CYTH3: variants seen among roughly 807,000 people sequenced by gnomAD.
The protein encoded by CYTH3 is cytohesin-3.
In CYTH3, 23 loss-of-function variants were observed where a neutral mutation model predicts 55.1. That is an observed-to-expected ratio of 0.42 (90% CI 0.30 to 0.59). The LOEUF (loss-of-function observed/expected upper bound fraction) is 0.59, where lower values mean the gene tolerates loss of function less well. CYTH3 is among the 20% of genes least tolerant of loss of function. The pLI, the probability that CYTH3 is intolerant of heterozygous loss-of-function variation, is 0.20. For missense variants in CYTH3, 413 were observed against 524.8 expected (o/e 0.79, Z 2.08); for synonymous variants, 249 against 194.9 (o/e 1.28, Z -2.31).
chr7:6,254,343 A>G (rs1490719873), intron 1 of CYTH3, among the ~76,000 whole-genome samples: 2 of 152,382 alleles, frequency 1.3e-5, no homozygotes, highest in East Asian at 1.9e-4. Flanking sequence ...TTTTGGAACA[A>G]TATTATGGAA....
At chr7:6,180,920 C>A (rs577432314) in intron 4 of CYTH3, among the ~76,000 whole-genome samples, 2 of 152,158 alleles carry the variant, frequency 1.3e-5, no homozygotes, top group South Asian at 2.1e-4. Flanking sequence ...ATCAAATCTA[C>A]GGTGAGCACT....
chr7:6,248,012 T>C (rs1779865119), intron 1 of CYTH3, among the ~76,000 whole-genome samples: 1 of 152,004 alleles, frequency 6.6e-6, no homozygotes, highest in Non-Finnish European at 1.5e-5. Context: ...GGCCTGTTGC[T>C]TTATCTCATC....
At position 6,191,009 on chromosome 7, in the gene CYTH3, G is replaced by A. The variant is rs566011793; in HGVS notation, c.35-478C>T. On this transcript the variant is annotated intron_variant, in intron 1 of 12. Transcript: ENST00000350796. ...GGAGAACTGCTTGAACCCAGGAGGC[G>A]GAGGCTGCAGTGAGGCAAAATCACA... 9.3e-4 allele frequency among the ~76,000 whole-genome samples: 141 copies of A among 151,940 alleles called. 4 individuals carry two copies. Among genetic ancestry groups the A allele is most frequent in the Admixed American group, 3.9e-4 (6 of 15,240 alleles).
intron 1 of CYTH3, among the ~76,000 whole-genome samples, chr7:6,224,883 T>C (rs1476656413): frequency 6.6e-6 from 1 of 152,228 alleles, no homozygotes; most frequent in African/African-American, 2.4e-5. Context: ...GAATAAACTA[T>C]GGATATGTTA....
chr7:6,251,820 G>C (rs761635555), intron 1 of CYTH3, among the ~76,000 whole-genome samples: 1 of 152,082 alleles, frequency 6.6e-6, no homozygotes, highest in Non-Finnish European at 1.5e-5. Context: ...CCACAGAATC[G>C]CATGAGTTCT....
intron 1 of CYTH3, among the ~76,000 whole-genome samples, chr7:6,205,447 G>A (rs1377202681): frequency 5.3e-5 from 8 of 151,882 alleles, no homozygotes; most frequent in South Asian, 2.1e-4. Flanking sequence ...GGCAGTGCAC[G>A]CCTGTAATCC....
chr7:6,187,248 C>G (rs947443899), intron 3 of CYTH3, 132 bp from the exon 4 acceptor site: 11 of 898,230 alleles, frequency 1.2e-5, no homozygotes, highest in Non-Finnish European at 2.0e-5. Context: ...CGGAGGGGCC[C>G]CCAGTCTCCG....
chr7:6,260,872 T>A (rs780675712), intron 1 of CYTH3, among the ~76,000 whole-genome samples: 19 of 152,186 alleles, frequency 1.2e-4, no homozygotes, highest in Non-Finnish European at 2.2e-4. Context: ...ATTAGTCTTC[T>A]GAGCAGCAGA....
intron 1 of CYTH3, among the ~76,000 whole-genome samples, chr7:6,261,110 G>A (rs564015568): frequency 1.4e-4 from 22 of 152,332 alleles, no homozygotes; most frequent in African/African-American, 5.3e-4. Context: ...CTGGAGGCCA[G>A]GATTCCAGAG....
chr7:6,219,534 G>A (rs535299190), intron 1 of CYTH3, among the ~76,000 whole-genome samples: 1 of 152,276 alleles, frequency 6.6e-6, no homozygotes, highest in East Asian at 1.9e-4. Flanking sequence ...TAAAAGGTGA[G>A]AGTATCCATT....
At position 6,163,159 on chromosome 7, in the gene CYTH3, G is replaced by A. The variant is rs539483935; in HGVS notation, c.*1785C>T. 1 of 152,768 alleles carries A rather than the reference G, an allele frequency of 6.5e-6. No homozygotes were observed. The highest frequency in any genetic ancestry group is 2.4e-5 in the African/African-American group (1 of 41,596). The allele number at this position is 152,768 out of a possible 1,614,324, so 9.5% of individuals were successfully genotyped here. Reference sequence around the variant, plus strand: ...GTTTCTGGCCTCGGACCCCTCTGCAGTCTAGTGTGACTTAAAGCTACATCA... The same window carrying A: ...GTTTCTGGCCTCGGACCCCTCTGCAATCTAGTGTGACTTAAAGCTACATCA... On this transcript the variant is annotated 3_prime_UTR_variant, in exon 13 of 13. Transcript: ENST00000350796.
rs1780295140 is a variant in CYTH3, at chr7:6,259,813, AATATATATATATATATATATTTTT to A, written c.34+12637_34+12660del. Among the ~76,000 whole-genome samples the A allele has an allele frequency of 2.0e-4, 5 of 25,452 alleles. 1 individual carries two copies. The African/African-American group carries it at 2.5e-3, about 13-fold the overall frequency. The allele number at this position is 25,452 out of a possible 152,430, so 16.7% of individuals were successfully genotyped here. On this transcript the variant is annotated intron_variant, in intron 1 of 12. Coordinates refer to ENST00000350796, the MANE Select transcript of CYTH3 (RefSeq NM_004227.4). ...TATATATATATATATATATATATAT[AATATATATATATATATATATTTTT>A]TTTTTTTTTTAAGACGGATTTTCGC...
rs373051565 is a variant in CYTH3, at chr7:6,228,675, G to A, written c.35-38144C>T. Among the ~76,000 whole-genome samples the A allele has an allele frequency of 3.7e-4, 56 of 152,270 alleles. No homozygotes were observed. The South Asian group carries it at 0.01, about 28-fold the overall frequency. ...CTTCTGGAAATCCGGGCTGCCTCCC[G>A]CTCTGAGCAGGGTCCTCCCACACTT... On this transcript the variant is annotated intron_variant, in intron 1 of 12. Transcript: ENST00000350796.
chr7:6,187,715 T>G lies in CYTH3; in HGVS notation c.124A>C (p.Lys42Gln), dbSNP rs759582996. 2.5e-6 allele frequency: 4 copies of G among 1,614,002 alleles called. No individual in the cohort carries two copies. The African/African-American group carries it at 5.3e-5, about 22-fold the overall frequency. ...GTCATCACCTCTGCAATTTCATATTTCAGCCTCTGTCAAAAAAGAAGAATT... is the reference window on the plus strand; with the variant it reads ...GTCATCACCTCTGCAATTTCATATTGCAGCCTCTGTCAAAAAAGAAGAATT... ...KELIDDIERLKYEIAEVMTEI... is the reference protein window; with the variant it reads ...KELIDDIERLQYEIAEVMTEI... The change falls in exon 3 of 13, where the codon AAA (lysine) becomes CAA (glutamine). Residue 42 changes from lysine (K) to glutamine (Q), a missense_variant. Transcript: ENST00000350796.
intron 1 of CYTH3, among the ~76,000 whole-genome samples, chr7:6,245,763 C>A (rs1212452403): frequency 6.6e-6 from 1 of 152,140 alleles, no homozygotes; most frequent in African/African-American, 2.4e-5. Flanking sequence ...AAGTAGCCAG[C>A]CATGGTAGTG....
chr7:6,164,840 A>G lies in CYTH3; in HGVS notation c.*104T>C, dbSNP rs1583722927. ...GGTATGCTCTGGAGCAGCAGCTTGC[A>G]CCGCAGGGCGACTGCCTCCCTGCCA... On this transcript the variant is annotated 3_prime_UTR_variant, in exon 13 of 13. Coordinates refer to ENST00000350796, the MANE Select transcript of CYTH3 (RefSeq NM_004227.4). The G allele has an allele frequency of 2.4e-6, 3 of 1,258,594 alleles. No homozygotes were observed. Among genetic ancestry groups the G allele is most frequent in the Non-Finnish European group, 3.5e-6 (3 of 866,160 alleles). 78.0% of individuals were successfully genotyped at this position (1,258,594 alleles called of 1,614,324 possible).
chr7:6,263,791 A>G (rs1261618746), intron 1 of CYTH3, among the ~76,000 whole-genome samples: 1 of 150,264 alleles, frequency 6.7e-6, no homozygotes, highest in Non-Finnish European at 1.5e-5. Context: ...GAGTGAGGAC[A>G]CTAACTTCAG....
intron 1 of CYTH3, among the ~76,000 whole-genome samples, chr7:6,227,609 A>T (rs988794444): frequency 6.6e-6 from 1 of 152,194 alleles, no homozygotes; most frequent in Admixed American, 6.5e-5. Flanking sequence ...ACTCTACACA[A>T]AAGGCTTTAG....
chr7:6,240,994 T>C (rs1188921363), intron 1 of CYTH3, among the ~76,000 whole-genome samples: 5 of 150,414 alleles, frequency 3.3e-5, no homozygotes, highest in Non-Finnish European at 7.4e-5. Context: ...TGGTGGCATG[T>C]GCCTGTAATC....
Sources: gnomAD v4.1 joint callset for allele counts (sites outside exome capture counted in the v4.1 genomes callset) on GRCh38, gnomAD v4.1.1 for gene constraint, MANE v1.5 for transcripts, NCBI Gene and HGNC (gene_info 2026-07-23, HGNC 2026-07-21) for gene names.